PDE1A: variants seen among roughly 807,000 people sequenced by gnomAD.
PDE1A encodes the protein phosphodiesterase 1A.
In PDE1A, 35 loss-of-function variants were observed where a neutral mutation model predicts 61.7. That is an observed-to-expected ratio of 0.57 (90% CI 0.43 to 0.75). The LOEUF is 0.75. Ranked by LOEUF, PDE1A falls within the 30% of genes least tolerant of loss-of-function variation. The pLI is 0.00. For synonymous variants in PDE1A, 232 were observed against 213.2 expected, an observed-to-expected ratio of 1.09 and a Z score of -0.77; for missense variants, 597 against 630.6, an observed-to-expected ratio of 0.95 and a Z score of 0.57.
the PDE1A span, among the ~76,000 whole-genome samples, chr2:182,612,586 T>C: frequency 6.6e-6 from 1 of 152,172 alleles, no homozygotes; most frequent in African/African-American, 2.4e-5. Context: ...GCCACATGTA[T>C]TTCACTCCAA....
At chr2:182,682,144 G>T in the PDE1A span, among the ~76,000 whole-genome samples, 48 of 152,208 alleles carry the variant, frequency 3.2e-4, no homozygotes, top group African/African-American at 1.2e-3. Context: ...ACTTCCATAT[G>T]CCTTTTACCT....
the PDE1A span, among the ~76,000 whole-genome samples, chr2:182,692,674 T>A: frequency 0.089 from 13,137 of 147,120 alleles, 1,945 homozygotes; most frequent in African/African-American, 0.31. Context: ...ATAATAAAAA[T>A]ATATATATAT....
chr2:182,565,830 G>GT, the PDE1A span, among the ~76,000 whole-genome samples: 1 of 151,998 alleles, frequency 6.6e-6, no homozygotes, highest in South Asian at 2.1e-4. Context: ...TTTGCCCTTA[G>GT]TTTTTTTCCC....
At chr2:182,382,997 A>C (rs1177468705) in intron 1 of PDE1A, among the ~76,000 whole-genome samples, 1 of 152,214 alleles carries the variant, frequency 6.6e-6, no homozygotes, top group African/African-American at 2.4e-5. Flanking sequence ...ATCATTAACA[A>C]CACCATACCA....
intron 1 of PDE1A, among the ~76,000 whole-genome samples, chr2:182,361,896 C>T (rs530323555): frequency 6.6e-5 from 10 of 152,130 alleles, no homozygotes; most frequent in African/African-American, 2.2e-4. Flanking sequence ...TCCCCAACTG[C>T]CAAGTTCTTT....
intron 13 of PDE1A, 151 bp downstream of exon 13, chr2:182,185,741 C>T: frequency 7.0e-7 from 1 of 1,428,800 alleles, no homozygotes; most frequent in Non-Finnish European, 9.3e-7. Context: ...AGCCAACTTT[C>T]TCATGAATGA....
rs138554822 is a variant in PDE1A at position 182,378,536 on chromosome 2, C to T, written c.53+48042G>A. On this transcript the variant is annotated intron_variant, in intron 1 of 13. Coordinates refer to ENST00000351439, the Ensembl canonical transcript of PDE1A. ...TTGCCACCAAGTGATTTCTAGGAGT[C>T]CCTTTCTACTCTAATACTCTTGTCA... Among the ~76,000 whole-genome samples, 695 of 152,252 alleles carry T rather than the reference C, an allele frequency of 4.6e-3. 5 individuals carry two copies. The highest frequency in any genetic ancestry group is 0.029 in the South Asian group (140 of 4,826).
intron 1 of PDE1A, among the ~76,000 whole-genome samples, chr2:182,308,634 G>A (rs767647681): frequency 1.3e-4 from 19 of 151,970 alleles, no homozygotes; most frequent in Non-Finnish European, 2.8e-4. Context: ...GTCAAGCATA[G>A]TTTTTTAAAC....
At chr2:182,263,660 C>T (rs1359042220) in intron 2 of PDE1A, among the ~76,000 whole-genome samples, 2 of 152,202 alleles carry the variant, frequency 1.3e-5, no homozygotes, top group African/African-American at 4.8e-5. Flanking sequence ...TATCTTTGAA[C>T]ACCAAGAGAC....
At chr2:182,573,972 T>TACATAC in the PDE1A span, among the ~76,000 whole-genome samples, 29 of 142,742 alleles carry the variant, frequency 2.0e-4, no homozygotes, top group Non-Finnish European at 3.2e-4. Flanking sequence ...TATTTTTTTA[T>TACATAC]ACACACACAC....
At chr2:182,509,670 T>G (rs1689660947) in intron 2 of PDE1A, among the ~76,000 whole-genome samples, 1 of 152,168 alleles carries the variant, frequency 6.6e-6, no homozygotes, top group Non-Finnish European at 1.5e-5. Flanking sequence ...GTAAAATCTT[T>G]CAGAAAGTAA....
intron 1 of PDE1A, among the ~76,000 whole-genome samples, chr2:182,280,660 C>T (rs1316765861): frequency 2.0e-5 from 3 of 151,856 alleles, no homozygotes; most frequent in Non-Finnish European, 2.9e-5. Flanking sequence ...CTTCTGTTTA[C>T]ATTTTTCAAA....
chr2:182,642,117 T>C, the PDE1A span, among the ~76,000 whole-genome samples: 1 of 152,238 alleles, frequency 6.6e-6, no homozygotes, highest in East Asian at 1.9e-4. Flanking sequence ...CTACACATGA[T>C]ATGGAATCCT....
chr2:182,470,201 TG>T (rs1481952845), intron 2 of PDE1A, among the ~76,000 whole-genome samples: 1 of 151,814 alleles, frequency 6.6e-6, no homozygotes, highest in Non-Finnish European at 1.5e-5. Flanking sequence ...TGTAATGAAA[TG>T]AGGTGTTTAT....
At chr2:182,620,465 A>C in the PDE1A span, among the ~76,000 whole-genome samples, 4 of 152,322 alleles carry the variant, frequency 2.6e-5, no homozygotes, top group East Asian at 7.7e-4. Flanking sequence ...CTCTAAGAAC[A>C]AAATTTATCT....
chr2:182,196,050 T>C (rs1686111029), intron 10 of PDE1A, among the ~76,000 whole-genome samples: 1 of 152,094 alleles, frequency 6.6e-6, no homozygotes. Context: ...GTTAGTTCAA[T>C]GCAAGAAAAC....
At chr2:182,692,057 C>G in the PDE1A span, among the ~76,000 whole-genome samples, 1 of 152,132 alleles carries the variant, frequency 6.6e-6, no homozygotes, top group African/African-American at 2.4e-5. Context: ...GATATAGGAA[C>G]ACTTTTACAC....
chr2:182,657,760 C>T, the PDE1A span, among the ~76,000 whole-genome samples: 1 of 152,028 alleles, frequency 6.6e-6, no homozygotes, highest in Non-Finnish European at 1.5e-5. Context: ...GCTTCCAATT[C>T]TCCTAAAATC....
chr2:182,573,078 T>C, the PDE1A span, among the ~76,000 whole-genome samples: 4 of 152,140 alleles, frequency 2.6e-5, no homozygotes, highest in Admixed American at 2.0e-4. Flanking sequence ...CTAAAGCCAT[T>C]TGGGGTAAGG....
Sources: allele counts gnomAD v4.1 joint callset (sites outside exome capture counted in the v4.1 genomes callset), GRCh38; gene constraint gnomAD v4.1.1; transcripts MANE v1.5; gene names NCBI Gene and HGNC (gene_info 2026-07-23, HGNC 2026-07-21).